PIK3C2A: variants seen among roughly 807,000 people sequenced by gnomAD.
PIK3C2A encodes phosphatidylinositol 4-phosphate 3-kinase C2 domain-containing subunit alpha.
In PIK3C2A, 97 loss-of-function variants were observed where a neutral mutation model predicts 204.5. That is an observed-to-expected ratio of 0.47 (90% CI 0.40 to 0.56). PIK3C2A has a LOEUF of 0.56. PIK3C2A is among the 20% of genes least tolerant of loss of function. The pLI is 0.00. For synonymous variants in PIK3C2A, 653 were observed against 664.4 expected, an observed-to-expected ratio of 0.98 and a Z score of 0.26; for missense variants, 1,735 against 1,969.2, an observed-to-expected ratio of 0.88 and a Z score of 2.25.
rs185934136 is a variant in PIK3C2A, at chr11:17,098,964, C to T, written c.4118+896G>A. Among the ~76,000 whole-genome samples the T allele has an allele frequency of 8.2e-4, 125 of 152,294 alleles. 1 individual carries two copies. The highest frequency in any genetic ancestry group is 5.6e-3 in the South Asian group (27 of 4,832). On this transcript the variant is annotated intron_variant, in intron 26 of 32. Coordinates refer to ENST00000691414, the MANE Select transcript of PIK3C2A (RefSeq NM_002645.4). ...AGGCTGGAGTGCAATGGCGCAATCT[C>T]GGCTCATCACAACCTCCATCTCCCA...
chr11:17,141,204 C>T (rs1201822861), intron 8 of PIK3C2A: 4 of 151,808 alleles, frequency 2.6e-5, no homozygotes, highest in Non-Finnish European at 5.9e-5. Flanking sequence ...GATTTACAAA[C>T]GTTATCTTTT....
chr11:17,204,022 G>A (rs954076716), intron 1 of PIK3C2A, among the ~76,000 whole-genome samples: 14 of 151,958 alleles, frequency 9.2e-5, no homozygotes, highest in Admixed American at 3.3e-4. Context: ...TGCAGTGAGC[G>A]GAGATCACGC....
At chr11:17,097,597 A>T (rs1231405935) in intron 26 of PIK3C2A, among the ~76,000 whole-genome samples, 2 of 152,220 alleles carry the variant, frequency 1.3e-5, no homozygotes, top group East Asian at 3.8e-4. Context: ...TAAAGGAGAA[A>T]GATGACAAAT....
Position 17,089,498 on chromosome 11 carries a change from T to C in PIK3C2A, c.*240A>G, listed in dbSNP as rs1452612737. ...TATATTAAGTTTAGGGTTTGTAGCA[T>C]TCTACATAATGACTTTAAAACAGCA... is the stretch of plus-strand genomic sequence containing the variant. On this transcript the variant is annotated 3_prime_UTR_variant, in exon 33 of 33. Transcript: ENST00000691414. 5 of 420,892 alleles carry C rather than the reference T, an allele frequency of 1.2e-5. No homozygotes were observed. Among genetic ancestry groups the C allele is most frequent in the Non-Finnish European group, 2.1e-5 (5 of 234,390 alleles). 26.1% of individuals were successfully genotyped at this position (420,892 alleles called of 1,614,324 possible). A position where few individuals can be genotyped will look rare whatever the true frequency, so the allele number is the denominator to read the frequency against.
intron 4 of PIK3C2A, among the ~76,000 whole-genome samples, chr11:17,149,267 C>T (rs918497531): frequency 6.6e-6 from 1 of 151,862 alleles, no homozygotes; most frequent in Non-Finnish European, 1.5e-5. Context: ...TTACCCTTTC[C>T]CTTTGATACT....
chr11:17,165,782 GAAAAAAAAAA>G (rs35384397), intron 2 of PIK3C2A, among the ~76,000 whole-genome samples: 4 of 78,854 alleles, frequency 5.1e-5, no homozygotes, highest in Non-Finnish European at 6.8e-5. Context: ...TCAAAAAAGT[GAAAAAAAAAA>G]AAAAAAAAAA....
intron 1 of PIK3C2A, among the ~76,000 whole-genome samples, chr11:17,199,077 C>A (rs763348069): frequency 6.6e-6 from 1 of 151,312 alleles, no homozygotes; most frequent in Non-Finnish European, 1.5e-5. Flanking sequence ...TGAGATCATG[C>A]CATTGCACTC....
rs1384596046 is a variant in PIK3C2A, at chr11:17,106,653, G to T, written c.3545-1348C>A. ...GACAGGGTTTCACCATGTTGGCCAG[G>T]CTGGTCTTGAACTCCCATCCTTCAG... On this transcript the variant is annotated intron_variant, in intron 22 of 32. Transcript: ENST00000691414. Among the ~76,000 whole-genome samples the T allele has an allele frequency of 5.9e-5, 9 of 152,046 alleles. No homozygotes were observed. The East Asian group carries it at 1.7e-3, about 29-fold the overall frequency.
chr11:17,139,837 C>T (rs1427194065), intron 8 of PIK3C2A, among the ~76,000 whole-genome samples: 1 of 152,162 alleles, frequency 6.6e-6, no homozygotes, highest in African/African-American at 2.4e-5. Context: ...TGTCCTCACT[C>T]CCTCATTCTG....
Position 17,088,975 on chromosome 11 carries a change from GA to G in PIK3C2A, c.*762del, listed in dbSNP as rs1848220572. On this transcript the variant is annotated 3_prime_UTR_variant, in exon 33 of 33. Coordinates refer to ENST00000691414, the MANE Select transcript of PIK3C2A (RefSeq NM_002645.4). ...ACTAATTCATACATCAGAAGTAAAG[GA>G]TTTTTTTGTGGGAAAAACATTAGTA... 1 of 152,178 alleles carries G rather than the reference GA, an allele frequency of 6.6e-6. No individual in the cohort carries two copies. The highest frequency in any genetic ancestry group is 2.1e-4 in the South Asian group (1 of 4,828). The allele number at this position is 152,178 out of a possible 1,614,324, so 9.4% of individuals were successfully genotyped here.
chr11:17,201,531 A>G (rs1852381883), intron 1 of PIK3C2A, among the ~76,000 whole-genome samples: 3 of 96,174 alleles, frequency 3.1e-5, no homozygotes, highest in East Asian at 8.3e-4. Context: ...GTCTCAAAAA[A>G]AAAAAAAAAA....
intron 3 of PIK3C2A, among the ~76,000 whole-genome samples, chr11:17,150,890 T>C (rs1416681537): frequency 6.6e-6 from 1 of 152,148 alleles, no homozygotes; most frequent in East Asian, 1.9e-4. Flanking sequence ...ATATCTTTGG[T>C]AACATTATCA....
intron 11 of PIK3C2A, among the ~76,000 whole-genome samples, chr11:17,133,029 T>A (rs1022186884): frequency 6.6e-6 from 1 of 152,260 alleles, no homozygotes. Context: ...TGTTCATATA[T>A]ACAATTTATT....
chr11:17,116,190 C>A (rs962006561), intron 19 of PIK3C2A, among the ~76,000 whole-genome samples: 4 of 152,066 alleles, frequency 2.6e-5, no homozygotes, highest in African/African-American at 9.7e-5. Context: ...ATAACTCTTA[C>A]AACTCAACAA....
At chr11:17,122,052 G>T (rs1314735618) in intron 15 of PIK3C2A, 136 bp downstream of exon 15, 8 of 460,380 alleles carry the variant, frequency 1.7e-5, no homozygotes, top group Non-Finnish European at 3.1e-5. Flanking sequence ...AGGAAAAAAA[G>T]TAAGTTAAAT....
At chr11:17,205,968 C>A (rs909446622) in intron 1 of PIK3C2A, among the ~76,000 whole-genome samples, 2 of 152,030 alleles carry the variant, frequency 1.3e-5, no homozygotes, top group East Asian at 3.9e-4. Context: ...TGAAAAAACA[C>A]AAAAATGAGC....
At position 17,142,740 on chromosome 11, in the gene PIK3C2A, C is replaced by T. The variant is rs140560039; in HGVS notation, c.1704+2928G>A. 2.0e-3 allele frequency among the ~76,000 whole-genome samples: 308 copies of T among 152,150 alleles called. 1 individual carries two copies. The highest frequency in any genetic ancestry group is 7.0e-3 in the African/African-American group (290 of 41,504). On this transcript the variant is annotated intron_variant, in intron 8 of 32. Transcript: ENST00000691414. ...GTCATCCATCCATCCATCGATCCAT[C>T]CATCAACAGATTAGGAACTGACTAC... is the stretch of plus-strand genomic sequence containing the variant.
intron 8 of PIK3C2A, among the ~76,000 whole-genome samples, chr11:17,143,479 T>G (rs970674310): frequency 6.6e-6 from 1 of 152,040 alleles, no homozygotes; most frequent in African/African-American, 2.4e-5. Context: ...TAAAAACACC[T>G]TAAGTGGCTA....
intron 3 of PIK3C2A, among the ~76,000 whole-genome samples, chr11:17,152,217 C>T (rs963267285): frequency 3.9e-5 from 6 of 152,004 alleles, no homozygotes; most frequent in South Asian, 4.1e-4. Flanking sequence ...ATTTTTGTTA[C>T]GTATATTTTA....
Sources: allele counts gnomAD v4.1 joint callset (sites outside exome capture counted in the v4.1 genomes callset), GRCh38; gene constraint gnomAD v4.1.1; transcripts MANE v1.5; gene names NCBI Gene and HGNC (gene_info 2026-07-23, HGNC 2026-07-21).